PTGFRN: variants seen among roughly 807,000 people sequenced by gnomAD.
PTGFRN encodes prostaglandin F2 receptor negative regulator.
In PTGFRN, 35 loss-of-function variants were observed where a neutral mutation model predicts 83.2. That is an observed-to-expected ratio of 0.42 (90% CI 0.32 to 0.56). The LOEUF is 0.56. PTGFRN is among the 20% of genes least tolerant of loss of function. PTGFRN has a pLI of 0.11. For synonymous variants in PTGFRN, 519 were observed against 498.6 expected, an observed-to-expected ratio of 1.04 and a Z score of -0.55; for missense variants, 1,051 against 1,179.5, an observed-to-expected ratio of 0.89 and a Z score of 1.60.
rs1453284502 is a variant in PTGFRN at position 116,923,063 on chromosome 1, G to A, written c.49+12811G>A. Among the ~76,000 whole-genome samples the A allele has an allele frequency of 6.6e-6, 1 of 152,182 alleles. No homozygotes were observed. The highest frequency in any genetic ancestry group is 1.5e-5 in the Non-Finnish European group (1 of 68,036). On this transcript the variant is annotated intron_variant, in intron 1 of 8. Transcript: ENST00000393203. This position sits in a 1 kb window ranked among gnomAD's most constrained non-coding sequence, Gnocchi z 4.0. ...TGTCACTCAGCCACCTTCCTTGAGA[G>A]CACAGCCATCGGTTTGTGATGATCT...
At chr1:116,953,076 C>T (rs941213958) in intron 4 of PTGFRN, among the ~76,000 whole-genome samples, 1 of 152,190 alleles carries the variant, frequency 6.6e-6, no homozygotes, top group African/African-American at 2.4e-5. Context: ...TTGAACTCTG[C>T]CCGAAGTACC....
In PTGFRN at chr1:116,949,015, G is replaced by A. The variant is rs555484809; in HGVS notation, c.833-177G>A. 2.0e-3 allele frequency among the ~76,000 whole-genome samples: 302 copies of A among 152,334 alleles called. 3 individuals are homozygous for A. The highest frequency in any genetic ancestry group is 7.0e-3 in the African/African-American group (290 of 41,568). On this transcript the variant is annotated intron_variant, in intron 3 of 8. Transcript: ENST00000393203. ...TTGTTTTTATAAAATAAGAAGAAAT[G>A]TGGTATGTTCTGTTAATTTATTCAT...
At chr1:116,912,955 G>A (rs1382357381) in intron 1 of PTGFRN, among the ~76,000 whole-genome samples, 2 of 152,146 alleles carry the variant, frequency 1.3e-5, no homozygotes, top group Non-Finnish European at 2.9e-5. Flanking sequence ...AACCCACCCA[G>A]CCACATAGAG....
rs1053741705 is a variant in PTGFRN at position 116,987,486 on chromosome 1, C to T, written c.*519C>T. 30 of 155,046 alleles carry T rather than the reference C, an allele frequency of 1.9e-4. No individual in the cohort carries two copies. The highest frequency in any genetic ancestry group is 1.0e-3 in the Admixed American group (16 of 15,758). 9.6% of individuals were successfully genotyped at this position (155,046 alleles called of 1,614,324 possible). A position where few individuals can be genotyped will look rare whatever the true frequency, so the allele number is the denominator to read the frequency against. On this transcript the variant is annotated 3_prime_UTR_variant, in exon 9 of 9. Transcript: ENST00000393203. ...GAAGGCTAATTTGTGGCTTTTACGA[C>T]CCTACCCCACCCCCTGTTTTCAGGG...
In PTGFRN at chr1:116,909,956, A is replaced by G. The variant is rs1649211255; in HGVS notation, c.-248A>G. On this transcript the variant is annotated 5_prime_UTR_variant, in exon 1 of 9. Transcript: ENST00000393203. ...GAAGCGGTCGGGGCTGCACACTCGG[A>G]TCGGCGGGGCCGGCTCCCGGGCCCG... is the stretch of plus-strand genomic sequence containing the variant. 1.8e-6 allele frequency: 1 copy of G among 562,424 alleles called. No homozygotes were observed. Among genetic ancestry groups the G allele is most frequent in the South Asian group, 2.0e-5 (1 of 49,178 alleles). The allele number at this position is 562,424 out of a possible 1,614,324, so 34.8% of individuals were successfully genotyped here.
intron 7 of PTGFRN, among the ~76,000 whole-genome samples, chr1:116,975,836 G>A (rs1000446943): frequency 6.6e-5 from 10 of 152,192 alleles, no homozygotes; most frequent in South Asian, 6.2e-4. Context: ...CCAAAGGAAC[G>A]CAGCTCTTCT....
In PTGFRN at chr1:116,961,599, C is replaced by A; in HGVS notation, c.1570C>A (p.Arg524=). Residue 524 remains arginine (R), a synonymous_variant, in exon 5 of 9, where the codon CGG becomes AGG. Coordinates refer to ENST00000393203, the MANE Select transcript of PTGFRN (RefSeq NM_020440.4). The surrounding 1 kb of genome is among the most constrained non-coding windows in gnomAD (Gnocchi z 5.4). The part of the protein sequence containing the change: ...YCVVSAWTKQ[R]NNSWVKSKDV... The stretch of plus-strand genomic sequence containing the variant: ...TGTTGTGTCTGCCTGGACCAAACAG[C>A]GGAACAACAGCTGGGTGAAAAGCAA... 6.2e-7 allele frequency: 1 copy of A among 1,614,126 alleles called. No individual in the cohort carries two copies. The highest frequency in any genetic ancestry group is 8.5e-7 in the Non-Finnish European group (1 of 1,180,014).
Position 116,934,012 on chromosome 1 carries a change from C to G in PTGFRN, c.50-7703C>G, listed in dbSNP as rs1649860913. Among the ~76,000 whole-genome samples, 6 of 152,216 alleles carry G rather than the reference C, an allele frequency of 3.9e-5. No homozygotes were observed. The South Asian group carries it at 1.2e-3, about 32-fold the overall frequency. ...AGTCTCTCCCTGTCCTTCTGGGCCT[C>G]TGTGACACATATGTTTGGCCTTTTT... On this transcript the variant is annotated intron_variant, in intron 1 of 8. Coordinates refer to ENST00000393203, the MANE Select transcript of PTGFRN (RefSeq NM_020440.4).
chr1:116,957,766 C>G (rs1302620599), intron 4 of PTGFRN, among the ~76,000 whole-genome samples: 1 of 152,166 alleles, frequency 6.6e-6, no homozygotes, highest in Admixed American at 6.5e-5. Flanking sequence ...GCCTAGCATT[C>G]TCCCCTCTCC....
chr1:116,923,046 A>G lies in PTGFRN; in HGVS notation c.49+12794A>G, dbSNP rs564610704. ...AGCTCTTGGTGATGGGCTGTCACTC[A>G]GCCACCTTCCTTGAGAGCACAGCCA... On this transcript the variant is annotated intron_variant, in intron 1 of 8. Coordinates refer to ENST00000393203, the MANE Select transcript of PTGFRN (RefSeq NM_020440.4). This position sits in a 1 kb window ranked among gnomAD's most constrained non-coding sequence, Gnocchi z 4.0. Among the ~76,000 whole-genome samples the G allele has an allele frequency of 6.6e-6, 1 of 152,328 alleles. No individual in the cohort carries two copies. The highest frequency in any genetic ancestry group is 2.1e-4 in the South Asian group (1 of 4,824).
In PTGFRN at chr1:116,986,964, C is replaced by G; in HGVS notation, c.2637C>G (p.Asp879Glu). ...ERRRLMSMEM[D>E] Reference sequence around the variant, plus strand: ...GCAGGCTCATGTCGATGGAGATGGACTAGGCTGGCCCGGGAGGGGAGTGAC... The same window carrying G: ...GCAGGCTCATGTCGATGGAGATGGAGTAGGCTGGCCCGGGAGGGGAGTGAC... The change falls in exon 9 of 9, where the codon GAC becomes GAG. Residue 879 changes from aspartate (D) to glutamate (E), a missense_variant. Transcript: ENST00000393203. The G allele has an allele frequency of 1.2e-6, 2 of 1,614,158 alleles. No homozygotes were observed. The highest frequency in any genetic ancestry group is 1.7e-6 in the Non-Finnish European group (2 of 1,180,014).
At chr1:116,943,692 A>T (rs1378206199) in intron 2 of PTGFRN, among the ~76,000 whole-genome samples, 3 of 152,168 alleles carry the variant, frequency 2.0e-5, no homozygotes, top group Admixed American at 1.3e-4. Context: ...AGACTGATAC[A>T]TATACTAGAA....
At chr1:116,924,334 A>G (rs948021730) in intron 1 of PTGFRN, among the ~76,000 whole-genome samples, 4 of 151,892 alleles carry the variant, frequency 2.6e-5, no homozygotes, top group Non-Finnish European at 5.9e-5. Flanking sequence ...TCTAGTAGAG[A>G]TGGGGTTTCA....
intron 4 of PTGFRN, among the ~76,000 whole-genome samples, chr1:116,950,521 A>C (rs2101069069): frequency 6.6e-6 from 1 of 152,288 alleles, no homozygotes; most frequent in East Asian, 1.9e-4. Context: ...ACAGATCTTT[A>C]AAGGCCAGGA....
At chr1:116,931,703 G>A (rs1649808242) in intron 1 of PTGFRN, among the ~76,000 whole-genome samples, 1 of 151,982 alleles carries the variant, frequency 6.6e-6, no homozygotes, top group Non-Finnish European at 1.5e-5. Flanking sequence ...CCTCTCAGTG[G>A]CAGACTTGAG....
intron 3 of PTGFRN, among the ~76,000 whole-genome samples, chr1:116,946,358 T>C (rs1391683242): frequency 6.6e-6 from 1 of 152,196 alleles, no homozygotes; most frequent in Non-Finnish European, 1.5e-5. Flanking sequence ...GAGGAGCTGC[T>C]CATTACTGGT....
intron 1 of PTGFRN, among the ~76,000 whole-genome samples, chr1:116,927,482 C>T (rs1278376092): frequency 1.3e-5 from 2 of 150,106 alleles, no homozygotes; most frequent in African/African-American, 2.5e-5. Context: ...CATTTTTGTT[C>T]CTCACTTGTT....
intron 4 of PTGFRN, among the ~76,000 whole-genome samples, chr1:116,954,435 C>G (rs1650431975): frequency 6.6e-6 from 1 of 152,130 alleles, no homozygotes; most frequent in Non-Finnish European, 1.5e-5. Flanking sequence ...AAGTACCTAC[C>G]CAATTCAAAA....
chr1:116,921,873 A>G (rs996006960), intron 1 of PTGFRN, among the ~76,000 whole-genome samples: 1 of 152,178 alleles, frequency 6.6e-6, no homozygotes, highest in Admixed American at 6.5e-5. Flanking sequence ...TCCATGGAGC[A>G]GGTGGGGCTG....
Sources: gnomAD v4.1 joint callset for allele counts (sites outside exome capture counted in the v4.1 genomes callset) on GRCh38, gnomAD v4.1.1 for gene constraint, Gnocchi (gnomAD v3.1) non-coding constraint, MANE v1.5 for transcripts, NCBI Gene and HGNC (gene_info 2026-07-23, HGNC 2026-07-21) for gene names.